Variants in LEPR observed in about 807,000 individuals in gnomAD.
LEPR encodes the protein leptin receptor.
In LEPR, 56 loss-of-function variants were observed where a neutral mutation model predicts 114.7. The ratio of observed to expected loss-of-function variants is 0.49; its 90% CI spans 0.39 to 0.61. The LOEUF (loss-of-function observed/expected upper bound fraction) is 0.61. Among genes scored for constraint, LEPR ranks in the 20% least tolerant of loss-of-function variants. LEPR has a pLI of 0.00. For synonymous variants in LEPR, 443 were observed against 461.4 expected (o/e 0.96, Z 0.51); for missense variants, 1,202 against 1,352.9 (o/e 0.89, Z 1.75).
At position 65,618,121 on chromosome 1, in the gene LEPR, A is replaced by T. The variant is rs13306528; in HGVS notation, c.2370A>T (p.Ser790=). Residue 790 remains serine (S), a synonymous_variant, in exon 16 of 20, where the codon TCA becomes TCT. Coordinates refer to ENST00000349533, the MANE Select transcript of LEPR (RefSeq NM_002303.6). ...DGEIKWLRIS[S]SVKKYYIHDH... is the part of the protein sequence containing the mutation. ...AAATAAAATGGCTTAGAATCTCTTC[A>T]TCTGTTAAGAAGTATTATATCCATG... is the stretch of plus-strand genomic sequence containing the variant. The T allele has an allele frequency of 8.7e-6, 14 of 1,609,588 alleles. No individual in the cohort carries two copies. Among genetic ancestry groups the T allele is most frequent in the Non-Finnish European group, 1.1e-5 (13 of 1,178,160 alleles).
chr1:65,443,820 G>A (rs1046277642), intron 2 of LEPR, among the ~76,000 whole-genome samples: 3 of 152,128 alleles, frequency 2.0e-5, no homozygotes, highest in Admixed American at 6.5e-5. Context: ...TTCTTTTGGG[G>A]GTAGATTTGC....
intron 2 of LEPR, among the ~76,000 whole-genome samples, chr1:65,475,310 C>A (rs947763967): frequency 1.3e-5 from 2 of 152,180 alleles, no homozygotes; most frequent in African/African-American, 4.8e-5. Flanking sequence ...CAGAAAATTA[C>A]CCTTCCCAAT....
intron 2 of LEPR, among the ~76,000 whole-genome samples, chr1:65,439,858 A>AGT (rs923475634): frequency 4.7e-5 from 7 of 147,564 alleles, no homozygotes; most frequent in African/African-American, 1.8e-4. Context: ...AGCTGGGCGC[A>AGT]GTGGCGTGTG....
intron 16 of LEPR, among the ~76,000 whole-genome samples, chr1:65,619,146 T>G (rs1657718817): frequency 6.6e-6 from 1 of 152,224 alleles, no homozygotes; most frequent in Non-Finnish European, 1.5e-5. Flanking sequence ...CTCATACCAT[T>G]ATTTTATTCC....
Position 65,633,927 on chromosome 1 carries a change from A to C in LEPR, c.2674-2264A>C. 4.1e-6 allele frequency: 4 copies of C among 985,418 alleles called. No homozygotes were observed. The highest frequency in any genetic ancestry group is 4.8e-6 in the Non-Finnish European group (4 of 829,942). The allele number at this position is 985,418 out of a possible 1,614,324, so 61.0% of individuals were successfully genotyped here. On this transcript the variant is annotated intron_variant, in intron 19 of 19. Transcript: ENST00000349533. The surrounding 1 kb of genome is among the most constrained non-coding windows in gnomAD (Gnocchi z 4.1). ...GGTCAGATTGACGGGACCAGAAGGG[A>C]ACATCGACTTCTAATCCAGCTTTCT...
At chr1:65,602,936 CTT>C (rs1656541884) in intron 10 of LEPR, among the ~76,000 whole-genome samples, 1 of 152,062 alleles carries the variant, frequency 6.6e-6, no homozygotes. Flanking sequence ...TATAATCTGT[CTT>C]TACATTCTTT....
intron 2 of LEPR, among the ~76,000 whole-genome samples, chr1:65,440,399 C>G (rs372828738): frequency 8.0e-5 from 12 of 150,540 alleles, no homozygotes; most frequent in East Asian, 7.8e-4. Flanking sequence ...ATAAACTTCA[C>G]AAATAAGTCA....
At chr1:65,576,930 TG>T in intron 5 of LEPR, 2 of 356,286 alleles carry the variant, frequency 5.6e-6, no homozygotes, top group Admixed American at 3.5e-5. Flanking sequence ...TCCAAGTTCC[TG>T]GAAATACTGT....
chr1:65,629,802 T>C (rs1001550867), intron 19 of LEPR, among the ~76,000 whole-genome samples: 1 of 152,064 alleles, frequency 6.6e-6, no homozygotes, highest in African/African-American at 2.4e-5. Context: ...GGAGGTGTTG[T>C]TCTAGTGGAC....
intron 2 of LEPR, among the ~76,000 whole-genome samples, chr1:65,498,931 G>A (rs1442190547): frequency 6.6e-6 from 1 of 152,020 alleles, no homozygotes; most frequent in Non-Finnish European, 1.5e-5. Flanking sequence ...AACCTTACAA[G>A]CAGGAATCAA....
intron 11 of LEPR, 50 bp downstream of exon 11, chr1:65,605,287 A>G: frequency 3.8e-6 from 6 of 1,598,704 alleles, no homozygotes; most frequent in South Asian, 1.1e-5. Context: ...ATTTGTATGC[A>G]GATTGATGCA....
chr1:65,590,907 T>TA (rs1655653170), intron 5 of LEPR, among the ~76,000 whole-genome samples: 1 of 151,644 alleles, frequency 6.6e-6, no homozygotes, highest in African/African-American at 2.4e-5. Flanking sequence ...CCTAGTTTGT[T>TA]AAGACGGAAG....
At chr1:65,625,137 C>T (rs78392619) in intron 19 of LEPR, among the ~76,000 whole-genome samples, 41 of 152,072 alleles carry the variant, frequency 2.7e-4, no homozygotes, top group Non-Finnish European at 4.3e-4. Flanking sequence ...ATATATATGT[C>T]GTTCATTCAT....
chr1:65,433,930 A>G (rs1168798781), intron 2 of LEPR: 4 of 985,080 alleles, frequency 4.1e-6, no homozygotes, highest in African/African-American at 1.7e-5. Flanking sequence ...AACAGTAGCA[A>G]TAAGTTTTAG....
chr1:65,473,344 C>T (rs1237039548), intron 2 of LEPR, among the ~76,000 whole-genome samples: 1 of 152,176 alleles, frequency 6.6e-6, no homozygotes, highest in Non-Finnish European at 1.5e-5. Context: ...TGTGAAGGCA[C>T]CTTTTAGACT....
chr1:65,610,238 G>A lies in LEPR; in HGVS notation c.1937G>A (p.Trp646Ter), dbSNP rs1226894648. The change falls in exon 14 of 20, where the codon TGG (tryptophan) becomes TAG (stop). Residue 646 changes from tryptophan (W) to a stop codon, truncating the protein, a stop_gained. Coordinates refer to ENST00000349533, the MANE Select transcript of LEPR (RefSeq NM_002303.6). LOFTEE classifies it high-confidence loss of function. ...GTTCCTATGAGAGGACCTGAATTTT[G>A]GAGAATAATTAATGGAGATACTATG... is the stretch of plus-strand genomic sequence containing the variant. ...IKVPMRGPEF[W>*]RIINGDTMKK... The A allele has an allele frequency of 6.2e-7, 1 of 1,613,828 alleles. No homozygotes were observed. Among genetic ancestry groups the A allele is most frequent in the Non-Finnish European group, 8.5e-7 (1 of 1,179,934 alleles).
rs562116056 is a variant in LEPR, at chr1:65,556,547, C to G, written c.-20-8999C>G. Among the ~76,000 whole-genome samples, 5 of 152,226 alleles carry G rather than the reference C, an allele frequency of 3.3e-5. No individual in the cohort carries two copies. In the South Asian group the frequency reaches 8.3e-4, roughly 25 times the overall value. ...TATGTGCTTCCTCATGGCGTTGATA[C>G]ACTTCTTTCACCAAATTCTCAGTCA... On this transcript the variant is annotated intron_variant, in intron 2 of 19. Transcript: ENST00000349533.
intron 14 of LEPR, among the ~76,000 whole-genome samples, chr1:65,610,799 A>C (rs973207862): frequency 6.6e-6 from 1 of 152,218 alleles, no homozygotes; most frequent in East Asian, 1.9e-4. Context: ...CCTCTCCCAA[A>C]TGAACTGATT....
At chr1:65,598,468 A>G (rs1448201642) in intron 7 of LEPR, among the ~76,000 whole-genome samples, 192 bp from the exon 8 acceptor site, 1 of 152,064 alleles carries the variant, frequency 6.6e-6, no homozygotes, top group Non-Finnish European at 1.5e-5. Context: ...CCCATGGGCT[A>G]TTTAAAATTT....
Sources: gnomAD v4.1 joint callset for allele counts (sites outside exome capture counted in the v4.1 genomes callset) on GRCh38, gnomAD v4.1.1 for gene constraint, Gnocchi (gnomAD v3.1) non-coding constraint, MANE v1.5 for transcripts, NCBI Gene and HGNC (gene_info 2026-07-23, HGNC 2026-07-21) for gene names.